Variants in MALRD1 observed in about 807,000 individuals in gnomAD.
The protein encoded by MALRD1 is MAM and LDL receptor class A domain containing 1.
In MALRD1, 247 loss-of-function variants were observed where a neutral mutation model predicts 242.1. The ratio of observed to expected loss-of-function variants is 1.02; its 90% confidence interval spans 0.92 to 1.13. MALRD1 has a LOEUF of 1.13. MALRD1 is among the 50% of genes most tolerant of loss of function. The probability of loss-of-function intolerance (pLI) is 0.00; values close to 1 mark genes in which losing one functional copy is unlikely to be tolerated. For synonymous variants in MALRD1, 995 were observed against 866.6 expected, an observed-to-expected ratio of 1.15 and a Z score of -2.60; for missense variants, 2,989 against 2,533.1, an observed-to-expected ratio of 1.18 and a Z score of -3.86.
intron 24 of MALRD1, among the ~76,000 whole-genome samples, chr10:19,333,108 T>A (rs1843458953): frequency 6.6e-6 from 1 of 151,982 alleles, no homozygotes; most frequent in Admixed American, 6.6e-5. Context: ...TATGATCCAA[T>A]GTTTTGCCCA....
At chr10:19,469,193 C>T (rs191746515) in intron 29 of MALRD1, among the ~76,000 whole-genome samples, 240 of 152,106 alleles carry the variant, frequency 1.6e-3, no homozygotes, top group African/African-American at 4.6e-3. Flanking sequence ...TTTTAATATA[C>T]GCTTTCAGCT....
chr10:19,469,900 A>G (rs10443961), intron 29 of MALRD1, among the ~76,000 whole-genome samples: 35,884 of 151,982 alleles, frequency 0.24, 5,208 homozygotes, highest in East Asian at 0.41. Context: ...GGCCATAGAC[A>G]TATACCACAC....
chr10:19,506,697 T>C (rs1001130209), intron 31 of MALRD1, among the ~76,000 whole-genome samples: 3 of 152,042 alleles, frequency 2.0e-5, no homozygotes, highest in Admixed American at 1.3e-4. Context: ...ATAAGTGTGG[T>C]TAAATGTAAT....
intron 28 of MALRD1, among the ~76,000 whole-genome samples, chr10:19,415,054 T>C (rs1833458240): frequency 6.6e-6 from 1 of 152,208 alleles, no homozygotes; most frequent in South Asian, 2.1e-4. Flanking sequence ...TATGAAGCCC[T>C]ATTTAAACCA....
chr10:19,376,258 C>A (rs1049905469), intron 26 of MALRD1, among the ~76,000 whole-genome samples: 2 of 152,186 alleles, frequency 1.3e-5, no homozygotes, highest in African/African-American at 4.8e-5. Context: ...TATTTCATTT[C>A]CTCAGATTTC....
chr10:19,276,004 T>A (rs1840502988), intron 19 of MALRD1, among the ~76,000 whole-genome samples: 1 of 152,198 alleles, frequency 6.6e-6, no homozygotes, highest in Non-Finnish European at 1.5e-5. Flanking sequence ...CTCTTGAAAT[T>A]AACGCATTTC....
rs1564492944 is a variant in MALRD1, at chr10:19,238,536, A to ATG, written c.2992-19147_2992-19146insGT. Among the ~76,000 whole-genome samples, 16 of 70,116 alleles carry ATG rather than the reference A, an allele frequency of 2.3e-4. 2 individuals carry two copies. The highest frequency in any genetic ancestry group is 7.6e-4 in the African/African-American group (16 of 21,122). 46.0% of individuals were successfully genotyped at this position (70,116 alleles called of 152,430 possible). On this transcript the variant is annotated intron_variant, in intron 18 of 39. Coordinates refer to ENST00000454679, the MANE Select transcript of MALRD1 (RefSeq NM_001142308.3). ...ATGTATATTATATATAATATACATT[A>ATG]TATATAATATATAATGTATATTATA...
intron 4 of MALRD1, among the ~76,000 whole-genome samples, chr10:19,099,910 A>G (rs1457766662): frequency 6.6e-6 from 1 of 151,732 alleles, no homozygotes; most frequent in Non-Finnish European, 1.5e-5. Flanking sequence ...ACAGGTGTGT[A>G]CCACCACACC....
chr10:19,270,332 T>TCACACACACACA (rs1198896770), intron 19 of MALRD1, among the ~76,000 whole-genome samples: 2 of 72,590 alleles, frequency 2.8e-5, no homozygotes, highest in African/African-American at 9.5e-5. Context: ...TCTCTCTCTC[T>TCACACACACACA]CTCTCACACA....
intron 32 of MALRD1, among the ~76,000 whole-genome samples, chr10:19,538,987 A>G (rs911896403): frequency 1.8e-4 from 28 of 152,200 alleles, no homozygotes; most frequent in African/African-American, 6.3e-4. Context: ...TAGCATGTAT[A>G]TGCTCCAGTT....
intron 21 of MALRD1, among the ~76,000 whole-genome samples, chr10:19,292,442 A>G (rs906945234): frequency 3.9e-5 from 6 of 152,142 alleles, no homozygotes; most frequent in African/African-American, 1.2e-4. Flanking sequence ...AATATACACT[A>G]TCTTGAAAAG....
Position 19,376,966 on chromosome 10 carries a change from T to C in MALRD1, c.4442-10562T>C, listed in dbSNP as rs998768277. Among the ~76,000 whole-genome samples, 41 of 152,306 alleles carry C rather than the reference T, an allele frequency of 2.7e-4. 1 individual carries two copies. Among genetic ancestry groups the C allele is most frequent in the Admixed American group, 2.5e-3 (39 of 15,302 alleles). The stretch of plus-strand genomic sequence containing the variant: ...TACAGGAATAGCAAGGAGGACTCTT[T>C]TATTTTTCAAATTATATTAAGTAAA... On this transcript the variant is annotated intron_variant, in intron 26 of 39. Transcript: ENST00000454679.
rs190666214 is a variant in MALRD1, at chr10:19,590,162, G to A, written c.5681-5032G>A. Reference sequence around the variant, plus strand: ...ATTGCTACATTCTCAAATAAATTTGGAGAAATTAGAACATAGAAATTTTAA... The same window carrying A: ...ATTGCTACATTCTCAAATAAATTTGAAGAAATTAGAACATAGAAATTTTAA... On this transcript the variant is annotated intron_variant, in intron 33 of 39. Coordinates refer to ENST00000454679, the MANE Select transcript of MALRD1 (RefSeq NM_001142308.3). Among the ~76,000 whole-genome samples the A allele has an allele frequency of 2.6e-5, 4 of 151,774 alleles. No homozygotes were observed. In the East Asian group the frequency reaches 7.7e-4, roughly 29 times the overall value.
chr10:19,650,415 T>C (rs1589359610), intron 36 of MALRD1, among the ~76,000 whole-genome samples: 4 of 152,156 alleles, frequency 2.6e-5, no homozygotes, highest in African/African-American at 9.6e-5. Context: ...AACGTGCATC[T>C]ATAGAGAAAA....
chr10:19,670,085 C>CAT (rs967779514), intron 36 of MALRD1, among the ~76,000 whole-genome samples: 5 of 151,736 alleles, frequency 3.3e-5, no homozygotes, highest in Non-Finnish European at 7.4e-5. Flanking sequence ...CACACACACA[C>CAT]ACACACAAAC....
At chr10:19,357,348 T>G (rs1435465129) in intron 26 of MALRD1, among the ~76,000 whole-genome samples, 2 of 152,096 alleles carry the variant, frequency 1.3e-5, no homozygotes, top group Non-Finnish European at 2.9e-5. Context: ...ATTTACTTAA[T>G]GTCTGGCATA....
At chr10:19,354,505 A>G (rs1467530387) in intron 26 of MALRD1, among the ~76,000 whole-genome samples, 1 of 151,886 alleles carries the variant, frequency 6.6e-6, no homozygotes, top group Non-Finnish European at 1.5e-5. Flanking sequence ...CCATTAACCA[A>G]CCTCTCTTTA....
chr10:19,558,397 A>G (rs942201630), intron 32 of MALRD1, among the ~76,000 whole-genome samples: 1 of 152,150 alleles, frequency 6.6e-6, no homozygotes, highest in African/African-American at 2.4e-5. Context: ...TTCTTTATCA[A>G]TATGAAGTTC....
chr10:19,639,705 C>A (rs563310003), intron 36 of MALRD1, among the ~76,000 whole-genome samples: 1 of 152,148 alleles, frequency 6.6e-6, no homozygotes, highest in Admixed American at 6.5e-5. Context: ...TTAGTATGCT[C>A]TCTGATCCTA....
Sources: allele counts gnomAD v4.1 joint callset (sites outside exome capture counted in the v4.1 genomes callset), GRCh38; gene constraint gnomAD v4.1.1; transcripts MANE v1.5; gene names NCBI Gene and HGNC (gene_info 2026-07-23, HGNC 2026-07-21).